LPAR1: variants seen among roughly 807,000 people sequenced by gnomAD.
LPAR1 encodes LPA receptor 1.
LPAR1 carries 5 observed loss-of-function variants against 23.8 expected under a neutral mutation model. The ratio of observed to expected loss-of-function variants is 0.21; its 90% CI spans 0.11 to 0.44. The LOEUF is 0.44. Ranked by LOEUF, LPAR1 falls within the 20% of genes least tolerant of loss-of-function variation. The probability of loss-of-function intolerance (pLI) is 0.99; values close to 1 mark genes in which losing one functional copy is unlikely to be tolerated. For missense variants in LPAR1, 311 were observed against 482.8 expected (o/e 0.64, Z 3.33); for synonymous variants, 160 against 164.7 (o/e 0.97, Z 0.22).
intron 5 of LPAR1, among the ~76,000 whole-genome samples, chr9:110,922,033 C>T (rs751061540): frequency 2.0e-5 from 3 of 152,096 alleles, no homozygotes; most frequent in South Asian, 2.1e-4. Flanking sequence ...ATGCAGAGAG[C>T]GGACCTGAGC....
intron 5 of LPAR1, among the ~76,000 whole-genome samples, chr9:110,913,544 AT>A (rs923846804): frequency 7.2e-6 from 1 of 139,704 alleles, no homozygotes; most frequent in Non-Finnish European, 1.6e-5. Context: ...TATCAAGTTC[AT>A]TTTAATAAGT....
rs547795621 is a variant in LPAR1 at position 110,990,243 on chromosome 9, A to C, written c.-181-16685T>G. Among the ~76,000 whole-genome samples, 10 of 152,296 alleles carry C rather than the reference A, an allele frequency of 6.6e-5. No individual in the cohort carries two copies. The South Asian group carries it at 2.1e-3, about 32-fold the overall frequency. ...GAGACATGAACAATACAAGTAGTCA[A>C]CTTGATCTAATTTGACATTTTGAAA... is the stretch of plus-strand genomic sequence containing the variant. On this transcript the variant is annotated intron_variant, in intron 2 of 5. Coordinates refer to ENST00000683809, the MANE Select transcript of LPAR1 (RefSeq NM_001351411.2).
intron 5 of LPAR1, among the ~76,000 whole-genome samples, chr9:110,924,047 A>T (rs1336261101): frequency 2.0e-5 from 3 of 152,144 alleles, no homozygotes; most frequent in Non-Finnish European, 4.4e-5. Context: ...AATAAAGATA[A>T]CACAAATGGT....
At chr9:111,024,385 T>G (rs752859728) in intron 2 of LPAR1, among the ~76,000 whole-genome samples, 29 of 147,956 alleles carry the variant, frequency 2.0e-4, no homozygotes, top group Non-Finnish European at 3.4e-4. Context: ...ATACATATTT[T>G]TATATATATA....
At chr9:111,027,457 A>C (rs1242483522) in intron 2 of LPAR1, among the ~76,000 whole-genome samples, 2 of 152,174 alleles carry the variant, frequency 1.3e-5, no homozygotes, top group Non-Finnish European at 2.9e-5. Flanking sequence ...GCTATGACTG[A>C]GCAACTGAAC....
At position 110,884,028 on chromosome 9, in the gene LPAR1, T is replaced by C. The variant is rs539607927; in HGVS notation, c.794-8306A>G. Reference sequence around the variant, plus strand: ...TTTGCATAAGCTTAAAATCATTTTCTCTCAGAACACTGTCTTCTAGTATTT... The same window carrying C: ...TTTGCATAAGCTTAAAATCATTTTCCCTCAGAACACTGTCTTCTAGTATTT... On this transcript the variant is annotated intron_variant, in intron 5 of 5. Transcript: ENST00000683809. Among the ~76,000 whole-genome samples, 5 of 152,054 alleles carry C rather than the reference T, an allele frequency of 3.3e-5. No homozygotes were observed. The East Asian group carries it at 7.7e-4, about 23-fold the overall frequency.
chr9:110,916,409 A>G (rs1320437041), intron 5 of LPAR1, among the ~76,000 whole-genome samples: 2 of 152,224 alleles, frequency 1.3e-5, no homozygotes, highest in Non-Finnish European at 2.9e-5. Context: ...GAAGTATGTC[A>G]AAATGGTGGT....
intron 5 of LPAR1, among the ~76,000 whole-genome samples, chr9:110,895,524 C>A (rs2086019590): frequency 6.6e-6 from 1 of 152,140 alleles, no homozygotes; most frequent in Non-Finnish European, 1.5e-5. Context: ...AATGACAGGG[C>A]CTGACCTAGT....
At chr9:110,974,374 C>T (rs1797214201) in intron 2 of LPAR1, among the ~76,000 whole-genome samples, 1 of 152,144 alleles carries the variant, frequency 6.6e-6, no homozygotes, top group Admixed American at 6.5e-5. Context: ...AATCCAAGTC[C>T]TTTGTCCCCC....
At chr9:110,987,670 GTA>G (rs34757955) in intron 2 of LPAR1, among the ~76,000 whole-genome samples, 74,091 of 147,812 alleles carry the variant, frequency 0.5, 18,968 homozygotes, top group African/African-American at 0.64. Flanking sequence ...GAACCTACAT[GTA>G]TATATATATA....
chr9:111,008,270 T>C (rs763668128), intron 2 of LPAR1, among the ~76,000 whole-genome samples: 8 of 152,154 alleles, frequency 5.3e-5, no homozygotes, highest in Non-Finnish European at 8.8e-5. Context: ...CCCAGAATAC[T>C]AAGAGCAAAA....
intron 4 of LPAR1, among the ~76,000 whole-genome samples, chr9:110,955,182 C>A (rs1375474130): frequency 6.6e-6 from 1 of 152,086 alleles, no homozygotes; most frequent in Admixed American, 6.5e-5. Context: ...ATACTGTTAC[C>A]CACAAGAAAC....
intron 4 of LPAR1, among the ~76,000 whole-genome samples, chr9:110,955,613 A>C (rs1010971739): frequency 5.3e-5 from 8 of 152,142 alleles, no homozygotes; most frequent in African/African-American, 1.9e-4. Flanking sequence ...TAGAATATAC[A>C]TTCTTTGTAT....
In LPAR1 at chr9:111,038,439, CAG is replaced by C. The variant is rs1422545430; in HGVS notation, c.-536_-535del. 3.1e-6 allele frequency: 1 copy of C among 326,890 alleles called. No homozygotes were observed. Among genetic ancestry groups the C allele is most frequent in the Non-Finnish European group, 6.0e-6 (1 of 166,636 alleles). The allele number at this position is 326,890 out of a possible 1,614,324, so 20.2% of individuals were successfully genotyped here. A position where few individuals can be genotyped will look rare whatever the true frequency, so the allele number is the denominator to read the frequency against. On this transcript the variant is annotated 5_prime_UTR_variant, in exon 1 of 6. Transcript: ENST00000683809. This position sits in a 1 kb window ranked among gnomAD's most constrained non-coding sequence, Gnocchi z 4.4. ...CGGGGCTGGAGACGGAGTCGCCACT[CAG>C]GGAGCGTCAGCCGCCAGTCGGCCCC... is the stretch of plus-strand genomic sequence containing the variant.
At chr9:110,887,691 T>C (rs1285319458) in intron 5 of LPAR1, among the ~76,000 whole-genome samples, 1 of 152,204 alleles carries the variant, frequency 6.6e-6, no homozygotes, top group Non-Finnish European at 1.5e-5. Flanking sequence ...TTTTTCTACA[T>C]AAATTTCAAT....
At chr9:110,887,676 A>G (rs2082781077) in intron 5 of LPAR1, among the ~76,000 whole-genome samples, 1 of 152,234 alleles carries the variant, frequency 6.6e-6, no homozygotes. Context: ...AATCATAAAC[A>G]TACTTTTTTC....
intron 5 of LPAR1, among the ~76,000 whole-genome samples, chr9:110,880,956 G>GA (rs1331829532): frequency 6.6e-6 from 1 of 152,190 alleles, no homozygotes; most frequent in Non-Finnish European, 1.5e-5. Context: ...GCCTATGTCA[G>GA]AAAAAGTGGC....
chr9:110,999,019 A>G (rs1251095969), intron 2 of LPAR1, among the ~76,000 whole-genome samples: 2 of 152,192 alleles, frequency 1.3e-5, no homozygotes, highest in Admixed American at 1.3e-4. Context: ...TCCTCTTAGG[A>G]AACATTAAAG....
intron 2 of LPAR1, among the ~76,000 whole-genome samples, chr9:110,998,275 T>G (rs2097058356): frequency 6.6e-6 from 1 of 152,210 alleles, no homozygotes. Context: ...TCAGTATTGT[T>G]GATTAGAAAA....
Sources: gnomAD v4.1 joint callset for allele counts (sites outside exome capture counted in the v4.1 genomes callset) on GRCh38, gnomAD v4.1.1 for gene constraint, Gnocchi (gnomAD v3.1) non-coding constraint, MANE v1.5 for transcripts, NCBI Gene and HGNC (gene_info 2026-07-23, HGNC 2026-07-21) for gene names.